The following ASIC2 variants were observed in gnomAD, a reference collection of about 807,000 sequenced individuals.
ASIC2 encodes the protein acid sensing ion channel subunit 2, also known as acid-sensing ion channel 2.
Under a neutral mutation model 57.3 loss-of-function variants are expected in ASIC2, and 25 were observed. The observed-to-expected ratio is 0.44, with a 90% CI of 0.32 to 0.61. The LOEUF is 0.61. Ranked by LOEUF, ASIC2 falls within the 20% of genes least tolerant of loss-of-function variation. The pLI is 0.06. For missense variants in ASIC2, 641 were observed against 738.1 expected (o/e 0.87, Z 1.52); for synonymous variants, 319 against 307.5 (o/e 1.04, Z -0.39).
Position 33,416,596 on chromosome 17 carries a change from C to T in ASIC2, c.556-304529G>A, listed in dbSNP as rs544033418. ...CTTGTCTGTGCACCCACTGGGCGCC[C>T]ACAGTGGCAGCTGAGGGAGGATGGG... is the stretch of plus-strand genomic sequence containing the variant. On this transcript the variant is annotated intron_variant, in intron 1 of 9. Transcript: ENST00000359872. Among the ~76,000 whole-genome samples the T allele has an allele frequency of 1.9e-3, 286 of 152,298 alleles. 1 individual carries two copies. Among genetic ancestry groups the T allele is most frequent in the African/African-American group, 6.6e-3 (274 of 41,552 alleles).
intron 1 of ASIC2, among the ~76,000 whole-genome samples, chr17:33,774,248 G>C (rs1163882287): frequency 6.6e-6 from 1 of 152,092 alleles, no homozygotes; most frequent in Non-Finnish European, 1.5e-5. Context: ...TATTCAAAAT[G>C]ATGGGTCAAG....
At chr17:33,169,440 G>C (rs56339345) in intron 1 of ASIC2, among the ~76,000 whole-genome samples, 8 of 152,232 alleles carry the variant, frequency 5.3e-5, no homozygotes, top group African/African-American at 1.9e-4. Context: ...ATTTAGATGA[G>C]ACTGGTAAAC....
chr17:33,679,108 A>G (rs1390075693), intron 1 of ASIC2, among the ~76,000 whole-genome samples: 1 of 152,232 alleles, frequency 6.6e-6, no homozygotes, highest in Non-Finnish European at 1.5e-5. Context: ...TAGCTTTGCA[A>G]TCAGTCTTTG....
At chr17:33,703,611 C>G (rs1031582185) in intron 1 of ASIC2, among the ~76,000 whole-genome samples, 1 of 152,096 alleles carries the variant, frequency 6.6e-6, no homozygotes, top group African/African-American at 2.4e-5. Flanking sequence ...CTTTGGCCTC[C>G]CAAAGTACTG....
Position 33,741,455 on chromosome 17 carries a change from G to A in ASIC2, c.555+414523C>T, listed in dbSNP as rs75203455. Among the ~76,000 whole-genome samples, 1,125 of 152,278 alleles carry A rather than the reference G, an allele frequency of 7.4e-3. 5 individuals are homozygous for A. The highest frequency in any genetic ancestry group is 0.013 in the Non-Finnish European group (866 of 68,026). On this transcript the variant is annotated intron_variant, in intron 1 of 9. Transcript: ENST00000359872. ...CTAAAATGCTTTACTTTTTACATGC[G>A]TGAGCCTGCTCTTTGGGCCTCTTCC...
intron 1 of ASIC2, among the ~76,000 whole-genome samples, chr17:33,373,683 T>C (rs1416755373): frequency 2.1e-5 from 2 of 96,020 alleles, no homozygotes; most frequent in Non-Finnish European, 4.3e-5. Flanking sequence ...TTGGTCTTTT[T>C]TTTCTCTTTT....
chr17:33,322,512 A>G (rs1466580385), intron 1 of ASIC2, among the ~76,000 whole-genome samples: 1 of 152,200 alleles, frequency 6.6e-6, no homozygotes, highest in East Asian at 1.9e-4. Flanking sequence ...AGAGAATTAG[A>G]ATTCTTGACC....
At position 33,141,410 on chromosome 17, in the gene ASIC2, T is replaced by C. The variant is rs372698465; in HGVS notation, c.709-29343A>G. ...TTTATATTCTGCTCAGGGGGAAAACTGGGGAGAGGAAGGAGGAGTAGGTTT... is the reference window on the plus strand; with the variant it reads ...TTTATATTCTGCTCAGGGGGAAAACCGGGGAGAGGAAGGAGGAGTAGGTTT... On this transcript the variant is annotated intron_variant, in intron 1 of 9. Transcript: ENST00000225823. Among the ~76,000 whole-genome samples the C allele has an allele frequency of 2.3e-4, 35 of 152,298 alleles. 1 individual carries two copies. The highest frequency in any genetic ancestry group is 1.7e-3 in the East Asian group (9 of 5,184).
chr17:33,542,269 G>C (rs1915436879), intron 1 of ASIC2, among the ~76,000 whole-genome samples: 1 of 150,506 alleles, frequency 6.6e-6, no homozygotes. Flanking sequence ...CCAGTAATGG[G>C]ATGGCTGGGT....
intron 1 of ASIC2, among the ~76,000 whole-genome samples, chr17:33,248,144 C>T (rs1908756797): frequency 6.6e-6 from 1 of 152,096 alleles, no homozygotes; most frequent in African/African-American, 2.4e-5. Flanking sequence ...TGACTCTCAA[C>T]TTTCAAGACT....
chr17:33,886,939 C>A (rs184062578), intron 1 of ASIC2, among the ~76,000 whole-genome samples: 41 of 105,212 alleles, frequency 3.9e-4, no homozygotes, highest in East Asian at 2.8e-3. Flanking sequence ...AGGCAGAAAA[C>A]AAACAAACAA....
At chr17:33,431,110 G>C (rs1911401566) in intron 1 of ASIC2, among the ~76,000 whole-genome samples, 1 of 152,174 alleles carries the variant, frequency 6.6e-6, no homozygotes, top group Non-Finnish European at 1.5e-5. Context: ...AGCACAGGGG[G>C]CAATTTGATA....
Position 33,573,379 on chromosome 17 carries a change from T to C in ASIC2, c.556-461312A>G, listed in dbSNP as rs528803964. Among the ~76,000 whole-genome samples, 13 of 152,264 alleles carry C rather than the reference T, an allele frequency of 8.5e-5. No homozygotes were observed. In the East Asian group the frequency reaches 1.2e-3, roughly 14 times the overall value. ...GCCCATCTCAGGAAATGAAACATTA[T>C]AAATACAACAGAAGGCCTCTGTGTG... On this transcript the variant is annotated intron_variant, in intron 1 of 9. Transcript: ENST00000359872.
At chr17:33,302,333 A>C (rs965010220) in intron 1 of ASIC2, among the ~76,000 whole-genome samples, 5 of 152,234 alleles carry the variant, frequency 3.3e-5, no homozygotes, top group African/African-American at 1.2e-4. Flanking sequence ...AATAGGATTT[A>C]ATGAAATATA....
intron 1 of ASIC2, among the ~76,000 whole-genome samples, chr17:34,091,673 C>A (rs576987877): frequency 6.6e-6 from 1 of 152,326 alleles, no homozygotes; most frequent in South Asian, 2.1e-4. Context: ...AGAGAAAGAA[C>A]ATAACAGAAC....
chr17:33,510,882 C>A (rs550922426), intron 1 of ASIC2, among the ~76,000 whole-genome samples: 344 of 152,232 alleles, frequency 2.3e-3, no homozygotes, highest in Non-Finnish European at 4.4e-3. Flanking sequence ...AACATGTCAC[C>A]CTGCTCTCTG....
At chr17:33,338,608 G>A (rs560854270) in intron 1 of ASIC2, among the ~76,000 whole-genome samples, 11 of 152,158 alleles carry the variant, frequency 7.2e-5, no homozygotes, top group Non-Finnish European at 1.5e-4. Flanking sequence ...AGGAGGGAGA[G>A]CTGATAGCAG....
At chr17:33,680,305 G>T (rs1382456128) in intron 1 of ASIC2, among the ~76,000 whole-genome samples, 1 of 152,166 alleles carries the variant, frequency 6.6e-6, no homozygotes, top group African/African-American at 2.4e-5. Flanking sequence ...TGCCTGACCT[G>T]CAGGGAAGTG....
At chr17:34,093,535 G>A (rs768567856) in intron 1 of ASIC2, among the ~76,000 whole-genome samples, 14 of 141,840 alleles carry the variant, frequency 9.9e-5, no homozygotes, top group African/African-American at 2.0e-4. Flanking sequence ...GGCAAGAATC[G>A]GGACTGACTT....
Sources: allele counts gnomAD v4.1 joint callset (sites outside exome capture counted in the v4.1 genomes callset), GRCh38; gene constraint gnomAD v4.1.1; transcripts MANE v1.5; gene names NCBI Gene and HGNC (gene_info 2026-07-23, HGNC 2026-07-21).